Variants in MTUS2 observed in about 807,000 individuals in gnomAD.
The protein encoded by MTUS2 is microtubule associated scaffold protein 2.
MTUS2 carries 40 observed loss-of-function variants against 114.1 expected under a neutral mutation model. That is an observed-to-expected ratio of 0.35 (90% CI 0.27 to 0.46). MTUS2 has a LOEUF of 0.46. Among genes scored for constraint, MTUS2 ranks in the 20% least tolerant of loss-of-function variants. MTUS2 has a pLI of 1.00. For synonymous variants in MTUS2, 688 were observed against 672.0 expected, an observed-to-expected ratio of 1.02 and a Z score of -0.37; for missense variants, 1,679 against 1,705.4, an observed-to-expected ratio of 0.98 and a Z score of 0.27.
intron 5 of MTUS2, among the ~76,000 whole-genome samples, chr13:29,138,031 C>G (rs1248245978): frequency 6.6e-6 from 1 of 152,150 alleles, no homozygotes; most frequent in Non-Finnish European, 1.5e-5. Flanking sequence ...GCCTCTTTTT[C>G]TGTACCTCTG....
At chr13:28,875,784 G>A (rs1005219801) in intron 2 of MTUS2, among the ~76,000 whole-genome samples, 7 of 152,138 alleles carry the variant, frequency 4.6e-5, no homozygotes, top group African/African-American at 1.2e-4. Flanking sequence ...GGATATATGG[G>A]TAAGAATTAT....
intron 3 of MTUS2, 107 bp downstream of exon 3, chr13:29,027,010 G>C (rs774268505): frequency 4.3e-5 from 49 of 1,127,286 alleles, no homozygotes; most frequent in Non-Finnish European, 5.8e-5. Flanking sequence ...GTGAATTACA[G>C]ATTTTCATGG....
intron 2 of MTUS2, among the ~76,000 whole-genome samples, chr13:28,874,278 G>A (rs558889189): frequency 2.1e-4 from 32 of 152,202 alleles, no homozygotes; most frequent in African/African-American, 7.7e-4. Context: ...AGGATTACAG[G>A]CATGAACCAC....
At chr13:29,375,574 C>T (rs1308122645) in intron 8 of MTUS2, among the ~76,000 whole-genome samples, 55 of 3,162 alleles carry the variant, frequency 0.017, 1 homozygote, top group Middle Eastern at 0.12. Context: ...TATATATATA[C>T]ATATATATAT....
rs185007104 is a variant in MTUS2, at chr13:29,068,386, C to G, written c.2447-32387C>G. ...AAAATCCAAGTTTCCTCCGTCTACA[C>G]CCAGAGAGTCAGCTTCAGTGGCTCT... On this transcript the variant is annotated intron_variant, in intron 4 of 15. Transcript: ENST00000612955. 7.4e-4 allele frequency among the ~76,000 whole-genome samples: 113 copies of G among 151,906 alleles called. 1 individual carries two copies. The highest frequency in any genetic ancestry group is 3.4e-3 in the Middle Eastern group (1 of 294).
chr13:29,318,460 A>G (rs1900112780), intron 6 of MTUS2, among the ~76,000 whole-genome samples: 3 of 140,204 alleles, frequency 2.1e-5, no homozygotes, highest in East Asian at 2.1e-4. Context: ...TCAGGGACTC[A>G]GGGGACTAAT....
chr13:29,365,671 C>T (rs770933205), intron 8 of MTUS2, among the ~76,000 whole-genome samples: 9 of 152,044 alleles, frequency 5.9e-5, no homozygotes, highest in South Asian at 2.1e-4. Context: ...AGTAAAAGTG[C>T]GTGCCTTTAA....
intron 9 of MTUS2, among the ~76,000 whole-genome samples, chr13:29,475,887 C>T (rs1349517652): frequency 2.0e-5 from 3 of 152,030 alleles, no homozygotes; most frequent in African/African-American, 7.2e-5. Context: ...TTTAGTGTAG[C>T]CTAAGTGTAT....
chr13:29,252,607 T>C (rs1205222424), intron 5 of MTUS2, among the ~76,000 whole-genome samples: 1 of 152,142 alleles, frequency 6.6e-6, no homozygotes, highest in East Asian at 1.9e-4. Flanking sequence ...CCCAAATCTC[T>C]TCTTGAATTT....
intron 2 of MTUS2, among the ~76,000 whole-genome samples, chr13:29,008,605 C>A (rs4769659): frequency 2.0e-5 from 3 of 152,042 alleles, no homozygotes; most frequent in African/African-American, 7.2e-5. Flanking sequence ...TCTGTATTCA[C>A]CCTTGATTTG....
intron 8 of MTUS2, among the ~76,000 whole-genome samples, chr13:29,386,023 C>T (rs1872607549): frequency 6.6e-6 from 1 of 152,046 alleles, no homozygotes; most frequent in Non-Finnish European, 1.5e-5. Flanking sequence ...AAGGAGTTAC[C>T]TACACAGAAT....
intron 5 of MTUS2, among the ~76,000 whole-genome samples, chr13:29,125,591 G>A (rs1891480111): frequency 6.6e-6 from 1 of 152,180 alleles, no homozygotes; most frequent in African/African-American, 2.4e-5. Context: ...CCACTCCTGT[G>A]TTTTGTTTTC....
chr13:29,127,988 C>A (rs1476790068), intron 5 of MTUS2, among the ~76,000 whole-genome samples: 1 of 152,122 alleles, frequency 6.6e-6, no homozygotes, highest in African/African-American at 2.4e-5. Context: ...CTGGTGAGAT[C>A]AGTGTTGAAG....
At chr13:29,063,145 G>A (rs762707171) in intron 4 of MTUS2, among the ~76,000 whole-genome samples, 1 of 152,134 alleles carries the variant, frequency 6.6e-6, no homozygotes, top group African/African-American at 2.4e-5. Context: ...TTTCTAAGAA[G>A]TAAAAAGGCA....
At chr13:29,373,370 G>A (rs1871339195) in intron 8 of MTUS2, among the ~76,000 whole-genome samples, 1 of 152,180 alleles carries the variant, frequency 6.6e-6, no homozygotes, top group African/African-American at 2.4e-5. Context: ...TGTGAAAAGT[G>A]CATAGAGCAG....
chr13:29,419,992 G>A (rs1194703801), intron 8 of MTUS2, among the ~76,000 whole-genome samples: 1 of 152,138 alleles, frequency 6.6e-6, no homozygotes, highest in Non-Finnish European at 1.5e-5. Flanking sequence ...GTTCAGCTGT[G>A]GACTATCAGT....
At chr13:29,097,254 G>A (rs1890216350) in intron 4 of MTUS2, among the ~76,000 whole-genome samples, 1 of 152,106 alleles carries the variant, frequency 6.6e-6, no homozygotes, top group Admixed American at 6.5e-5. Context: ...TTATATAAAT[G>A]TTTCTTTAAG....
intron 2 of MTUS2, among the ~76,000 whole-genome samples, chr13:28,933,476 A>G (rs1273624651): frequency 6.6e-6 from 1 of 152,214 alleles, no homozygotes; most frequent in African/African-American, 2.4e-5. Flanking sequence ...TCAATTGATC[A>G]TATGTGTTAA....
At chr13:29,012,483 A>G (rs1885889297) in intron 2 of MTUS2, among the ~76,000 whole-genome samples, 1 of 152,174 alleles carries the variant, frequency 6.6e-6, no homozygotes, top group Non-Finnish European at 1.5e-5. Context: ...GAATATTCAT[A>G]TAAGGCGTTT....
Sources: allele counts gnomAD v4.1 joint callset (sites outside exome capture counted in the v4.1 genomes callset), GRCh38; gene constraint gnomAD v4.1.1; transcripts MANE v1.5; gene names NCBI Gene and HGNC (gene_info 2026-07-23, HGNC 2026-07-21).